DOK3: variants seen among roughly 807,000 people sequenced by gnomAD.
DOK3 encodes Dok-like protein.
In DOK3, 23 loss-of-function variants were observed where a neutral mutation model predicts 26.2. The observed-to-expected ratio is 0.88, with a 90% CI of 0.63 to 1.24. The LOEUF (loss-of-function observed/expected upper bound fraction) is 1.24, where lower values mean the gene tolerates loss of function less well. Ranked by LOEUF, DOK3 falls within the 50% of genes most tolerant of loss-of-function variation. The pLI is 0.00. For synonymous variants in DOK3, 268 were observed against 268.2 expected, an observed-to-expected ratio of 1.00 and a Z score of 0.01; for missense variants, 619 against 610.6, an observed-to-expected ratio of 1.01 and a Z score of -0.15.
chr5:177,505,218 G>T, intron 3 of DOK3, 108 bp from the exon 4 acceptor site: 1 of 1,026,706 alleles, frequency 9.7e-7, no homozygotes, highest in Non-Finnish European at 1.4e-6. Flanking sequence ...AGGGGCCTGG[G>T]CTCCAGTTCC....
intron 3 of DOK3, among the ~76,000 whole-genome samples, chr5:177,506,660 T>A (rs1372777070): frequency 6.7e-6 from 1 of 148,410 alleles, no homozygotes; most frequent in East Asian, 2.0e-4. Flanking sequence ...TTAAAGTGTA[T>A]CATCAGTGCT....
At position 177,504,362 on chromosome 5, in the gene DOK3, G is replaced by C. The variant is rs780112327; in HGVS notation, c.944C>G (p.Pro315Arg). The change falls in exon 6 of 6, where the codon CCG (proline) becomes CGG (arginine). Residue 315 changes from proline (P) to arginine (R), a missense_variant. Physicochemically the swap from Pro to Arg is moderately radical, Grantham distance 103. Transcript: ENST00000510898. The part of the protein sequence containing the change: ...GPQSLPLLLG[P>R]EPNDLASGLY... Reference sequence around the variant, plus strand: ...CCCGGACGCCAGATCGTTGGGCTCCGGGCCTAGCAGTAGCGGCAGGCTCTG... The same window carrying C: ...CCCGGACGCCAGATCGTTGGGCTCCCGGCCTAGCAGTAGCGGCAGGCTCTG... The C allele has an allele frequency of 4.5e-6, 7 of 1,572,066 alleles. No homozygotes were observed. Among genetic ancestry groups the C allele is most frequent in the South Asian group, 2.4e-5 (2 of 85,002 alleles).
intron 1 of DOK3, 26 bp downstream of exon 1, chr5:177,509,732 T>C (rs1024121619): frequency 1.2e-6 from 2 of 1,611,834 alleles, no homozygotes; most frequent in Non-Finnish European, 1.7e-6. Context: ...CCTGGGGTTC[T>C]GGCTGCCCAA....
rs1759828033 is a variant in DOK3, at chr5:177,504,676, A to G, written c.646-16T>C. 1 of 1,613,432 alleles carries G rather than the reference A, an allele frequency of 6.2e-7. No individual in the cohort carries two copies. The highest frequency in any genetic ancestry group is 8.5e-7 in the Non-Finnish European group (1 of 1,179,894). On this transcript the variant is annotated splice_polypyrimidine_tract_variant and intron_variant, in intron 5 of 5. Coordinates refer to ENST00000510898, the MANE Select transcript of DOK3 (RefSeq NM_001308236.3). ...AGAACACGCCCTGGGCACAGGGCAC[A>G]CGGGTGGGGATTAGCAGGAGGGTCC...
rs369906194 is a variant in DOK3, at chr5:177,504,553, G to T, written c.753C>A (p.Ile251=). 6.3e-7 allele frequency: 1 copy of T among 1,593,984 alleles called. No individual in the cohort carries two copies. ...CTGGCAGCCGCTCCCGCTGGCGGGC[G>T]ATGGCCCCGGCCACAGCCCTGCACA... The part of the protein sequence containing the change: ...PDLCRAVAGA[I]ARQRERLPEL... Residue 251 remains isoleucine (I), a synonymous_variant, in exon 6 of 6, where the codon ATC becomes ATA. Transcript: ENST00000510898.
chr5:177,509,409 G>A (rs1760680167), intron 2 of DOK3, 66 bp downstream of exon 2: 4 of 1,552,558 alleles, frequency 2.6e-6, no homozygotes, highest in Non-Finnish European at 2.6e-6. Context: ...CCGAGGCAGG[G>A]GCAGAGGCTG....
Position 177,503,194 on chromosome 5 carries a change from T to C in DOK3, c.*789A>G, listed in dbSNP as rs1759533517. The C allele has an allele frequency of 1.3e-6, 2 of 1,551,400 alleles. No individual in the cohort carries two copies. Among genetic ancestry groups the C allele is most frequent in the South Asian group, 2.4e-5 (2 of 84,066 alleles). On this transcript the variant is annotated 3_prime_UTR_variant, in exon 6 of 6. Transcript: ENST00000510898. ...CAGAGGAGGGAACGCAGCATGGAAGTCTTCAGGAAACTTCTCTCCCCCTGG... is the reference window on the plus strand; with the variant it reads ...CAGAGGAGGGAACGCAGCATGGAAGCCTTCAGGAAACTTCTCTCCCCCTGG...
At chr5:177,506,710 C>T (rs1460084702) in intron 3 of DOK3, among the ~76,000 whole-genome samples, 9 of 83,462 alleles carry the variant, frequency 1.1e-4, no homozygotes, top group African/African-American at 3.8e-4. Context: ...TTTTTTGAGA[C>T]GGAGTTTTGC....
At position 177,508,598 on chromosome 5, in the gene DOK3, C is replaced by T. The variant is rs932664066; in HGVS notation, c.67-56G>A. The T allele has an allele frequency of 1.7e-5, 25 of 1,456,606 alleles. No individual in the cohort carries two copies. In the Admixed American group the frequency reaches 2.8e-4, roughly 16 times the overall value. 90.2% of individuals were successfully genotyped at this position (1,456,606 alleles called of 1,614,324 possible). A position where few individuals can be genotyped will look rare whatever the true frequency, so the allele number is the denominator to read the frequency against. On this transcript the variant is annotated intron_variant, in intron 2 of 5. Transcript: ENST00000510898. The stretch of plus-strand genomic sequence containing the variant: ...CTTGGGTGGCAGATTGTCCGTGCCA[C>T]TTGGCTCAGCACAAGCTGCTCGGCA...
chr5:177,510,150 C>G, upstream of DOK3: 2 of 540,842 alleles, frequency 3.7e-6, no homozygotes, highest in Non-Finnish European at 6.6e-6. Context: ...CAAGACCAAC[C>G]TGTCTCTCCC....
chr5:177,503,368 T>C lies in DOK3; in HGVS notation c.*615A>G. On this transcript the variant is annotated 3_prime_UTR_variant, in exon 6 of 6. Coordinates refer to ENST00000510898, the MANE Select transcript of DOK3 (RefSeq NM_001308236.3). ...CTCTCTCCTTTACAGATGAGGAGACTGACGCCTGGGGTTCCCAGAAGTATC... is the reference window on the plus strand; with the variant it reads ...CTCTCTCCTTTACAGATGAGGAGACCGACGCCTGGGGTTCCCAGAAGTATC... 4 of 1,542,860 alleles carry C rather than the reference T, an allele frequency of 2.6e-6. No homozygotes were observed. The highest frequency in any genetic ancestry group is 3.5e-6 in the Non-Finnish European group (4 of 1,139,526).
At chr5:177,507,092 T>C (rs1386571515) in intron 3 of DOK3, among the ~76,000 whole-genome samples, 1 of 152,080 alleles carries the variant, frequency 6.6e-6, no homozygotes, top group Non-Finnish European at 1.5e-5. Context: ...GAGCAGCCAC[T>C]CCCCACTTCT....
chr5:177,503,793 C>T lies in DOK3; in HGVS notation c.*190G>A. Reference sequence around the variant, plus strand: ...CGGGAGCTGCTCTGAGCTTTATTATCTGTGAGTCTGCACACTATTCATGAG... The same window carrying T: ...CGGGAGCTGCTCTGAGCTTTATTATTTGTGAGTCTGCACACTATTCATGAG... On this transcript the variant is annotated 3_prime_UTR_variant, in exon 6 of 6. Coordinates refer to ENST00000510898, the MANE Select transcript of DOK3 (RefSeq NM_001308236.3). 1 of 1,427,366 alleles carries T rather than the reference C, an allele frequency of 7.0e-7. No homozygotes were observed. The allele number at this position is 1,427,366 out of a possible 1,614,324, so 88.4% of individuals were successfully genotyped here.
In DOK3 at chr5:177,503,594, C is replaced by T. The variant is rs1004650395; in HGVS notation, c.*389G>A. On this transcript the variant is annotated 3_prime_UTR_variant, in exon 6 of 6. Coordinates refer to ENST00000510898, the MANE Select transcript of DOK3 (RefSeq NM_001308236.3). ...CGCCTGCCTCTTCGTGTCACTCGGC[C>T]GTGCAGAGCAACATGGAGTCCTAAT... 49 of 1,289,366 alleles carry T rather than the reference C, an allele frequency of 3.8e-5. No individual in the cohort carries two copies. The highest frequency in any genetic ancestry group is 4.5e-5 in the African/African-American group (3 of 66,650). 79.9% of individuals were successfully genotyped at this position (1,289,366 alleles called of 1,614,324 possible).
At chr5:177,510,909 T>TC (rs386405778), upstream of DOK3, 7 of 678 alleles carry the variant, frequency 0.01, no homozygotes, top group Admixed American at 0.16. Context: ...GCCTGTGCCG[T>TC]CCCTGCCTAC....
chr5:177,506,328 C>G (rs1760150732), intron 3 of DOK3, among the ~76,000 whole-genome samples: 2 of 92,966 alleles, frequency 2.2e-5, no homozygotes, highest in South Asian at 8.6e-4. Context: ...TTTTAACCAT[C>G]TTACTTTTTT....
At chr5:177,508,656 CCA>C (rs1760563815) in intron 2 of DOK3, 114 bp from the exon 3 acceptor site, 1 of 1,233,260 alleles carries the variant, frequency 8.1e-7, no homozygotes. Context: ...CCTCTGCTCC[CCA>C]GTTTCTCAGG....
Position 177,508,448 on chromosome 5 carries a change from C to A in DOK3, c.161G>T (p.Gly54Val). 1 of 1,595,002 alleles carries A rather than the reference C, an allele frequency of 6.3e-7. No homozygotes were observed. The highest frequency in any genetic ancestry group is 1.3e-5 in the African/African-American group (1 of 74,816). ...CCCTGCCGACCTGTCACCCGCTGCT[C>A]CCAGGCCACCATCCCGGACCTCCCA... is the stretch of plus-strand genomic sequence containing the variant. ...ESWEVRDGGLGAAGDRSAGPG... is the reference protein window; with the variant it reads ...ESWEVRDGGLVAAGDRSAGPG... Residue 54 changes from glycine (G) to valine (V), a missense_variant, in exon 3 of 6, where the codon GGA (glycine) becomes GTA (valine). By Grantham distance (109) the Gly-to-Val change is moderately radical. Coordinates refer to ENST00000510898, the MANE Select transcript of DOK3 (RefSeq NM_001308236.3).
In DOK3 at chr5:177,503,963, G is replaced by T. The variant is rs531311316; in HGVS notation, c.*20C>A. On this transcript the variant is annotated 3_prime_UTR_variant, in exon 6 of 6. Transcript: ENST00000510898. ...CCAGGGGGAGCACCTCTCCCCTCTG[G>T]CCACCACTCTGCTGGGCGTTCAGGG... 1.1e-5 allele frequency: 16 copies of T among 1,522,684 alleles called. No individual in the cohort carries two copies. In the South Asian group the frequency reaches 1.7e-4, roughly 16 times the overall value. The allele number at this position is 1,522,684 out of a possible 1,614,324, so 94.3% of individuals were successfully genotyped here. A position where few individuals can be genotyped will look rare whatever the true frequency, so the allele number is the denominator to read the frequency against.
Sources: gnomAD v4.1 joint callset for allele counts (sites outside exome capture counted in the v4.1 genomes callset) on GRCh38, gnomAD v4.1.1 for gene constraint, MANE v1.5 for transcripts, NCBI Gene and HGNC (gene_info 2026-07-23, HGNC 2026-07-21) for gene names.